The following EPHA6 variants were observed in gnomAD, a reference collection of about 807,000 sequenced individuals.
EPHA6 encodes EPH receptor A6, also known as ephrin type-A receptor 6.
EPHA6 carries 50 observed loss-of-function variants against 112.0 expected under a neutral mutation model. The ratio of observed to expected loss-of-function variants is 0.45; its 90% CI spans 0.36 to 0.56. The LOEUF (loss-of-function observed/expected upper bound fraction) is 0.56. EPHA6 is among the 20% of genes least tolerant of loss of function. The pLI, the probability that EPHA6 is intolerant of heterozygous loss-of-function variation, is 0.00. For synonymous variants in EPHA6, 529 were observed against 490.7 expected, an observed-to-expected ratio of 1.08 and a Z score of -1.03; for missense variants, 1,280 against 1,417.4, an observed-to-expected ratio of 0.90 and a Z score of 1.56.
chr3:96,847,132 G>T (rs114887290), intron 1 of EPHA6, among the ~76,000 whole-genome samples: 1 of 151,962 alleles, frequency 6.6e-6, no homozygotes, highest in African/African-American at 2.4e-5. Flanking sequence ...CCAGTAGAGT[G>T]AAAGTCTATT....
intron 5 of EPHA6, among the ~76,000 whole-genome samples, chr3:97,328,002 T>TCACACACAC (rs2082547498): frequency 5.1e-5 from 7 of 136,242 alleles, no homozygotes; most frequent in African/African-American, 1.3e-4. Context: ...TATGTGTATG[T>TCACACACAC]ATATGTATAT....
intron 14 of EPHA6, among the ~76,000 whole-genome samples, chr3:97,692,103 G>C (rs936260412): frequency 6.6e-6 from 1 of 152,118 alleles, no homozygotes; most frequent in Non-Finnish European, 1.5e-5. Flanking sequence ...TATATTTATA[G>C]ATTTAAAGTT....
chr3:97,077,446 T>A (rs1183585473), intron 3 of EPHA6, among the ~76,000 whole-genome samples: 1 of 152,170 alleles, frequency 6.6e-6, no homozygotes, highest in African/African-American at 2.4e-5. Context: ...ACGTGCAGGC[T>A]CATTACATAG....
intron 7 of EPHA6, among the ~76,000 whole-genome samples, chr3:97,474,142 G>T (rs535442786): frequency 6.6e-6 from 1 of 151,838 alleles, no homozygotes; most frequent in East Asian, 1.9e-4. Context: ...ATATGAATTT[G>T]CACATAATAT....
chr3:96,917,378 C>A (rs1034953245), intron 2 of EPHA6, among the ~76,000 whole-genome samples: 4 of 144,968 alleles, frequency 2.8e-5, no homozygotes, highest in African/African-American at 1.0e-4. Context: ...AATATCGTGC[C>A]GCTACACTCC....
chr3:97,411,893 T>G (rs970078594), intron 6 of EPHA6, among the ~76,000 whole-genome samples: 2 of 152,064 alleles, frequency 1.3e-5, no homozygotes, highest in Admixed American at 6.6e-5. Context: ...GGGAGTCGCT[T>G]AACAAGACCT....
chr3:96,985,990 A>G (rs749599441), intron 2 of EPHA6, among the ~76,000 whole-genome samples: 39 of 152,138 alleles, frequency 2.6e-4, no homozygotes, highest in Non-Finnish European at 5.1e-4. Context: ...CTTATTCACT[A>G]TAGCAAACCA....
chr3:97,608,589 G>C (rs926933368), intron 12 of EPHA6, among the ~76,000 whole-genome samples: 22 of 151,330 alleles, frequency 1.5e-4, no homozygotes, highest in African/African-American at 4.4e-4. Flanking sequence ...ATATCACTGT[G>C]AGAGACTTTT....
At chr3:97,232,615 T>A (rs951895572) in intron 4 of EPHA6, among the ~76,000 whole-genome samples, 1 of 152,132 alleles carries the variant, frequency 6.6e-6, no homozygotes, top group African/African-American at 2.4e-5. Context: ...AGAATTTGGC[T>A]GAGGGGCATA....
At chr3:97,630,619 A>T (rs1387041123) in intron 13 of EPHA6, among the ~76,000 whole-genome samples, 1 of 151,970 alleles carries the variant, frequency 6.6e-6, no homozygotes, top group African/African-American at 2.4e-5. Context: ...TTTTTCCATA[A>T]ATATTTCTTT....
At chr3:97,251,666 G>T (rs986059825) in intron 5 of EPHA6, among the ~76,000 whole-genome samples, 1 of 152,126 alleles carries the variant, frequency 6.6e-6, no homozygotes, top group Non-Finnish European at 1.5e-5. Flanking sequence ...TTTTAATCAG[G>T]CAGAAATTCC....
At position 96,815,011 on chromosome 3, in the gene EPHA6, A is replaced by T; in HGVS notation, c.385+3A>T. Reference sequence around the variant, plus strand: ...CAGTCACGTCTCCAACAACCAAGGTAAGGGACGGGGCGGAGGAGCGGGAGT... The same window carrying T: ...CAGTCACGTCTCCAACAACCAAGGTTAGGGACGGGGCGGAGGAGCGGGAGT... On this transcript the variant is annotated splice_donor_region_variant and intron_variant, in intron 1 of 17. Coordinates refer to ENST00000389672, the MANE Select transcript of EPHA6 (RefSeq NM_001080448.3). The T allele has an allele frequency of 6.6e-7, 1 of 1,511,692 alleles. No homozygotes were observed. Among genetic ancestry groups the T allele is most frequent in the South Asian group, 1.3e-5 (1 of 78,120 alleles). 93.6% of individuals were successfully genotyped at this position (1,511,692 alleles called of 1,614,324 possible). A position where few individuals can be genotyped will look rare whatever the true frequency, so the allele number is the denominator to read the frequency against.
At chr3:97,640,365 G>A (rs1002485962) in intron 14 of EPHA6, among the ~76,000 whole-genome samples, 1 of 152,156 alleles carries the variant, frequency 6.6e-6, no homozygotes, top group African/African-American at 2.4e-5. Flanking sequence ...AAATGTAAAG[G>A]TACCTGAGTG....
chr3:96,891,009 G>A (rs995646049), intron 2 of EPHA6, among the ~76,000 whole-genome samples: 1 of 152,144 alleles, frequency 6.6e-6, no homozygotes, highest in Non-Finnish European at 1.5e-5. Flanking sequence ...ATTATTCCTG[G>A]GATGTGGAGG....
At chr3:97,513,673 G>T (rs1577632161) in intron 10 of EPHA6, among the ~76,000 whole-genome samples, 1 of 149,894 alleles carries the variant, frequency 6.7e-6, no homozygotes, top group East Asian at 2.1e-4. Context: ...AGACTGGGGA[G>T]AGTGGGGGTG....
At chr3:97,114,940 G>T (rs528411433) in intron 3 of EPHA6, among the ~76,000 whole-genome samples, 28 of 152,082 alleles carry the variant, frequency 1.8e-4, no homozygotes, top group African/African-American at 6.5e-4. Context: ...GAGTGGATTT[G>T]CTGGAAAATA....
intron 5 of EPHA6, among the ~76,000 whole-genome samples, chr3:97,271,014 C>T (rs1278659728): frequency 6.6e-6 from 1 of 152,184 alleles, no homozygotes; most frequent in Non-Finnish European, 1.5e-5. Context: ...GAGTATATCT[C>T]ATATTTGGGA....
Position 97,648,223 on chromosome 3 carries a change from A to C in EPHA6, c.2784+10141A>C, listed in dbSNP as rs1224299210. The C allele has an allele frequency of 4.2e-6, 3 of 715,402 alleles. No homozygotes were observed. The South Asian group carries it at 5.4e-5, about 13-fold the overall frequency. 44.3% of individuals were successfully genotyped at this position (715,402 alleles called of 1,614,324 possible). ...GAAATACAGAGCCTCATTATTGACA[A>C]TATATAATCTGCATAATTACAGTTC... is the stretch of plus-strand genomic sequence containing the variant. On this transcript the variant is annotated intron_variant, in intron 14 of 17. Coordinates refer to ENST00000389672, the MANE Select transcript of EPHA6 (RefSeq NM_001080448.3).
chr3:96,984,421 C>G (rs1041514644), intron 2 of EPHA6, among the ~76,000 whole-genome samples: 7 of 152,170 alleles, frequency 4.6e-5, no homozygotes, highest in Non-Finnish European at 1.0e-4. Flanking sequence ...GAAGCTTCAT[C>G]TCTGAGGGGT....
Sources: gnomAD v4.1 joint callset for allele counts (sites outside exome capture counted in the v4.1 genomes callset) on GRCh38, gnomAD v4.1.1 for gene constraint, MANE v1.5 for transcripts, NCBI Gene and HGNC (gene_info 2026-07-23, HGNC 2026-07-21) for gene names.